ZNF107: variants seen among roughly 807,000 people sequenced by gnomAD.
The protein encoded by ZNF107 is C2H2 type zinc-finger protein.
In ZNF107, 19 loss-of-function variants were observed where a neutral mutation model predicts 12.3. The observed-to-expected ratio is 1.55, with a 90% CI of 1.08 to 2.27. The LOEUF (loss-of-function observed/expected upper bound fraction) is 2.27, where lower values mean the gene tolerates loss of function less well. Ranked by LOEUF, ZNF107 falls within the 30% of genes most tolerant of loss-of-function variation. The pLI, the probability that ZNF107 is intolerant of heterozygous loss-of-function variation, is 0.00. For missense variants in ZNF107, 958 were observed against 979.9 expected, an observed-to-expected ratio of 0.98 and a Z score of 0.30; for synonymous variants, 317 against 330.5, an observed-to-expected ratio of 0.96 and a Z score of 0.44.
chr7:64,711,506 TA>T lies in ZNF107; in HGVS notation c.*2851del, dbSNP rs1790884657. The T allele has an allele frequency of 6.6e-6, 1 of 152,194 alleles. No individual in the cohort carries two copies. The highest frequency in any genetic ancestry group is 2.4e-5 in the African/African-American group (1 of 41,458). The allele number at this position is 152,194 out of a possible 1,614,324, so 9.4% of individuals were successfully genotyped here. ...CGTTACTACAGGGTCATTTTATGGT[TA>T]TAATAAAAATTATATACAAGTATAA... On this transcript the variant is annotated 3_prime_UTR_variant, in exon 4 of 4. Coordinates refer to ENST00000620827, the MANE Select transcript of ZNF107 (RefSeq NM_001282359.2).
Position 64,709,267 on chromosome 7 carries a change from G to C in ZNF107, c.*611G>C. 2.8e-6 allele frequency: 1 copy of C among 363,066 alleles called. No individual in the cohort carries two copies. The allele number at this position is 363,066 out of a possible 1,614,324, so 22.5% of individuals were successfully genotyped here. A position where few individuals can be genotyped will look rare whatever the true frequency, so the allele number is the denominator to read the frequency against. On this transcript the variant is annotated 3_prime_UTR_variant, in exon 4 of 4. Coordinates refer to ENST00000620827, the MANE Select transcript of ZNF107 (RefSeq NM_001282359.2). ...GATTCTCAACTCTTACTACATGTAAGAGTATTTATACTGGAAAGAAACCCT... is the reference window on the plus strand; with the variant it reads ...GATTCTCAACTCTTACTACATGTAACAGTATTTATACTGGAAAGAAACCCT...
Position 64,706,321 on chromosome 7 carries a change from C to T in ZNF107, c.227-3C>T. On this transcript the variant is annotated splice_region_variant and splice_polypyrimidine_tract_variant and intron_variant, in intron 3 of 3. Coordinates refer to ENST00000620827, the MANE Select transcript of ZNF107 (RefSeq NM_001282359.2). ...AGTAATTTATTATTTTTATTTCTTT[C>T]AGTAATGTCTTTTCATTTTGCCCAA... 2 of 1,517,330 alleles carry T rather than the reference C, an allele frequency of 1.3e-6. No homozygotes were observed. Among genetic ancestry groups the T allele is most frequent in the Non-Finnish European group, 1.8e-6 (2 of 1,133,588 alleles). The allele number at this position is 1,517,330 out of a possible 1,614,324, so 94.0% of individuals were successfully genotyped here.
Position 64,686,691 on chromosome 7 carries a change from C to T in ZNF107, c.4-4557C>T, listed in dbSNP as rs1339598594. The T allele has an allele frequency of 5.2e-6, 5 of 965,382 alleles. No homozygotes were observed. In the Admixed American group the frequency reaches 3.1e-4, roughly 60 times the overall value. The allele number at this position is 965,382 out of a possible 1,614,324, so 59.8% of individuals were successfully genotyped here. A position where few individuals can be genotyped will look rare whatever the true frequency, so the allele number is the denominator to read the frequency against. On this transcript the variant is annotated intron_variant, in intron 1 of 3. Coordinates refer to ENST00000620827, the MANE Select transcript of ZNF107 (RefSeq NM_001282359.2). ...CAGAAAACCTGCAACAACCAAAAAC[C>T]ACAAAAGAAGAACAACGGGTTTCTG...
intron 1 of ZNF107, chr7:64,687,020 A>T (rs1789944008): frequency 1.0e-6 from 1 of 985,328 alleles, no homozygotes; most frequent in South Asian, 4.7e-5. Flanking sequence ...TTGGGTTTTT[A>T]CAGAGAAATG....
rs1790876186 is a variant in ZNF107 at position 64,711,175 on chromosome 7, T to G, written c.*2519T>G. On this transcript the variant is annotated 3_prime_UTR_variant, in exon 4 of 4. Coordinates refer to ENST00000620827, the MANE Select transcript of ZNF107 (RefSeq NM_001282359.2). ...TAGGTAAAAGAGGGTAACAGTATAC[T>G]ACTTGATAACATAATGGGCTAACAT... is the stretch of plus-strand genomic sequence containing the variant. The G allele has an allele frequency of 6.6e-6, 1 of 152,192 alleles. No homozygotes were observed. Among genetic ancestry groups the G allele is most frequent in the Non-Finnish European group, 1.5e-5 (1 of 68,010 alleles). 9.4% of individuals were successfully genotyped at this position (152,192 alleles called of 1,614,324 possible).
At chr7:64,672,408 G>GA (rs1789266410) in intron 1 of ZNF107, among the ~76,000 whole-genome samples, 7 of 152,230 alleles carry the variant, frequency 4.6e-5, no homozygotes, top group African/African-American at 1.4e-4. Flanking sequence ...ACAGGCTGAA[G>GA]TGCAGTGGTG....
Position 64,707,120 on chromosome 7 carries a change from C to G in ZNF107, c.1023C>G (p.Tyr341Ter). ...GAATTCATGCTGGGGAGAAACCCTA[C>G]AAATGTAAAGAATGTGGCAGAGCTT... ...HKRIHAGEKP[Y>*]KCKECGRAFN... The change falls in exon 4 of 4, where the codon TAC becomes TAG. Residue 341 changes from tyrosine to a stop codon, truncating the protein, a stop_gained. Transcript: ENST00000620827. LOFTEE classifies it low-confidence loss of function (END_TRUNC). 1 of 1,613,260 alleles carries G rather than the reference C, an allele frequency of 6.2e-7. No individual in the cohort carries two copies. The highest frequency in any genetic ancestry group is 8.5e-7 in the Non-Finnish European group (1 of 1,179,704).
intron 1 of ZNF107, among the ~76,000 whole-genome samples, chr7:64,685,585 G>GA (rs1299193341): frequency 6.6e-6 from 1 of 152,038 alleles, no homozygotes; most frequent in Admixed American, 6.5e-5. Flanking sequence ...CCTCCAATGG[G>GA]AAAATAAAAC....
In ZNF107 at chr7:64,708,134, T is replaced by A; in HGVS notation, c.2037T>A (p.Cys679Ter). The change falls in exon 4 of 4, where the codon TGT becomes TGA. Residue 679 changes from cysteine to a stop codon, truncating the protein, a stop_gained. Transcript: ENST00000620827. LOFTEE classifies it low-confidence loss of function (END_TRUNC). Reference sequence around the variant, plus strand: ...ATACTGGAGAGAAACCCCACAAATGTGAAGAATGTGGAAAAGCTTATAACC... The same window carrying A: ...ATACTGGAGAGAAACCCCACAAATGAGAAGAATGTGGAAAAGCTTATAACC... ...IIYTGEKPHK[C>*]EECGKAYNRF... The A allele has an allele frequency of 6.2e-7, 1 of 1,612,024 alleles. No individual in the cohort carries two copies. The highest frequency in any genetic ancestry group is 8.5e-7 in the Non-Finnish European group (1 of 1,179,408).
At chr7:64,698,207 C>CT (rs1397143497) in intron 3 of ZNF107, among the ~76,000 whole-genome samples, 15 of 151,948 alleles carry the variant, frequency 9.9e-5, no homozygotes, top group African/African-American at 3.6e-4. Context: ...ATTTGTGTAT[C>CT]TTTTTTGATG....
intron 3 of ZNF107, among the ~76,000 whole-genome samples, chr7:64,704,590 T>C (rs999384278): frequency 6.6e-6 from 1 of 152,196 alleles, no homozygotes. Context: ...TCTTGCATCA[T>C]GTTATTTTCA....
chr7:64,668,824 C>T (rs911775172), intron 1 of ZNF107, among the ~76,000 whole-genome samples: 5 of 151,956 alleles, frequency 3.3e-5, no homozygotes, highest in African/African-American at 9.7e-5. Context: ...AAAAAAACCT[C>T]TCTTCCATTT....
Position 64,707,460 on chromosome 7 carries a change from T to C in ZNF107, c.1363T>C (p.Cys455Arg), listed in dbSNP as rs1319503446. The C allele has an allele frequency of 6.2e-7, 1 of 1,613,250 alleles. No individual in the cohort carries two copies. Among genetic ancestry groups the C allele is most frequent in the Non-Finnish European group, 8.5e-7 (1 of 1,179,630 alleles). ...KIHTAEKSYK[C>R]EECGKAFNQH... ...TCATACTGCAGAGAAATCCTATAAA[T>C]GTGAAGAATGTGGCAAAGCTTTTAA... is the stretch of plus-strand genomic sequence containing the variant. The change falls in exon 4 of 4, where the codon TGT (cysteine) becomes CGT (arginine). Residue 455 changes from cysteine (C) to arginine (R), a missense_variant. By Grantham distance (180) the Cys-to-Arg change is radical. Transcript: ENST00000620827.
chr7:64,666,286 G>A lies in ZNF107; in HGVS notation c.3+1G>A. On this transcript the variant is annotated splice_donor_variant, in intron 1 of 3. Transcript: ENST00000620827. LOFTEE classifies it high-confidence loss of function. ...GGGACTCCCTGGAAACCTAGAAATGGTGAGAGTGCTGGGTCCGACATCCCG... is the reference window on the plus strand; with the variant it reads ...GGGACTCCCTGGAAACCTAGAAATGATGAGAGTGCTGGGTCCGACATCCCG... 2 of 1,610,112 alleles carry A rather than the reference G, an allele frequency of 1.2e-6. No individual in the cohort carries two copies. The highest frequency in any genetic ancestry group is 1.7e-6 in the Non-Finnish European group (2 of 1,177,692).
chr7:64,692,036 A>G (rs991266141), intron 3 of ZNF107, 76 bp downstream of exon 3: 14 of 1,030,840 alleles, frequency 1.4e-5, no homozygotes, highest in African/African-American at 1.7e-5. Flanking sequence ...CCAGTCCTTA[A>G]AATATGATTT....
chr7:64,708,931 A>G lies in ZNF107; in HGVS notation c.*275A>G, dbSNP rs1790794171. The G allele has an allele frequency of 1.8e-6, 1 of 541,632 alleles. No individual in the cohort carries two copies. The highest frequency in any genetic ancestry group is 3.4e-6 in the Non-Finnish European group (1 of 298,106). 33.6% of individuals were successfully genotyped at this position (541,632 alleles called of 1,614,324 possible). A position where few individuals can be genotyped will look rare whatever the true frequency, so the allele number is the denominator to read the frequency against. ...AACTGATCCTCAACTTTTACTAAAC[A>G]TAAGGTAATTCATACTGGAGAAAAG... is the stretch of plus-strand genomic sequence containing the variant. On this transcript the variant is annotated 3_prime_UTR_variant, in exon 4 of 4. Transcript: ENST00000620827.
intron 3 of ZNF107, among the ~76,000 whole-genome samples, chr7:64,699,871 A>C (rs2128966020): frequency 6.6e-6 from 1 of 151,858 alleles, no homozygotes; most frequent in South Asian, 2.1e-4. Context: ...GATCGAGATC[A>C]TCCTGGCTAA....
In ZNF107 at chr7:64,706,835, G is replaced by T. The variant is rs143116416; in HGVS notation, c.738G>T (p.Arg246Ser). ...TTAACCAGTCCTCACAACTTACTAG[G>T]CATAAGATAATTCATACTGAAGAGA... ...KAFNQSSQLTRHKIIHTEEKP... is the reference protein window; with the variant it reads ...KAFNQSSQLTSHKIIHTEEKP... The change falls in exon 4 of 4, where the codon AGG becomes AGT. Residue 246 changes from arginine (R) to serine (S), a missense_variant. Coordinates refer to ENST00000620827, the MANE Select transcript of ZNF107 (RefSeq NM_001282359.2). 3.1e-6 allele frequency: 5 copies of T among 1,611,636 alleles called. No homozygotes were observed. The African/African-American group carries it at 4.0e-5, about 13-fold the overall frequency.
intron 2 of ZNF107, among the ~76,000 whole-genome samples, chr7:64,691,652 T>TA (rs1203012240): frequency 5.9e-5 from 9 of 152,176 alleles, no homozygotes; most frequent in Non-Finnish European, 1.2e-4. Flanking sequence ...GCCCACGCCT[T>TA]AAAATCTAAT....
Sources: gnomAD v4.1 joint callset for allele counts (sites outside exome capture counted in the v4.1 genomes callset) on GRCh38, gnomAD v4.1.1 for gene constraint, MANE v1.5 for transcripts, NCBI Gene and HGNC (gene_info 2026-07-23, HGNC 2026-07-21) for gene names.